ADAMTS12: variants seen among roughly 807,000 people sequenced by gnomAD.
ADAMTS12 encodes ADAM metallopeptidase with thrombospondin type 1 motif 12.
ADAMTS12 carries 118 observed loss-of-function variants against 167.8 expected under a neutral mutation model. That is an observed-to-expected ratio of 0.70 (90% CI 0.61 to 0.82). The LOEUF (loss-of-function observed/expected upper bound fraction) is 0.82, where lower values mean the gene tolerates loss of function less well. Among genes scored for constraint, ADAMTS12 ranks in the 40% least tolerant of loss-of-function variants. ADAMTS12 has a pLI of 0.00. For synonymous variants in ADAMTS12, 704 were observed against 716.9 expected (o/e 0.98, Z 0.29); for missense variants, 1,916 against 1,998.8 (o/e 0.96, Z 0.79).
At chr5:33,641,741 T>C (rs1740452032) in intron 11 of ADAMTS12, 69 bp downstream of exon 11, 1 of 1,450,520 alleles carries the variant, frequency 6.9e-7, no homozygotes, top group African/African-American at 1.4e-5. Flanking sequence ...GGTCATGCCA[T>C]TCAAGACTGC....
intron 3 of ADAMTS12, among the ~76,000 whole-genome samples, chr5:33,713,640 GA>G (rs916806434): frequency 2.0e-5 from 3 of 150,504 alleles, no homozygotes; most frequent in Non-Finnish European, 4.4e-5. Context: ...GAGATGACAA[GA>G]AAAAAAAATT....
intron 2 of ADAMTS12, among the ~76,000 whole-genome samples, chr5:33,823,050 C>G (rs1260136079): frequency 6.7e-6 from 1 of 148,764 alleles, no homozygotes; most frequent in East Asian, 2.0e-4. Flanking sequence ...ATGATCACAC[C>G]ACTTCACTCC....
chr5:33,680,338 G>A (rs62349657), intron 5 of ADAMTS12, among the ~76,000 whole-genome samples: 7 of 152,064 alleles, frequency 4.6e-5, no homozygotes, highest in Non-Finnish European at 7.4e-5. Flanking sequence ...ATTATTTCTC[G>A]GGAATGAAGA....
At chr5:33,847,687 T>TATAC (rs1177844224) in intron 2 of ADAMTS12, among the ~76,000 whole-genome samples, 1 of 151,994 alleles carries the variant, frequency 6.6e-6, no homozygotes, top group African/African-American at 2.4e-5. Context: ...CCAGAATGAT[T>TATAC]ATACCCAAAT....
Position 33,654,593 on chromosome 5 carries a change from G to T in ADAMTS12, c.1190+3591C>A, listed in dbSNP as rs147165000. On this transcript the variant is annotated intron_variant, in intron 7 of 23. Coordinates refer to ENST00000504830, the MANE Select transcript of ADAMTS12 (RefSeq NM_030955.4). ...TGACACCACAGGGGTGGGGCTAGGG[G>T]AGCCCTCATTACTGGCCTGTAGGGA... is the stretch of plus-strand genomic sequence containing the variant. Among the ~76,000 whole-genome samples, 1,418 of 152,248 alleles carry T rather than the reference G, an allele frequency of 9.3e-3. 14 individuals are homozygous for T. The highest frequency in any genetic ancestry group is 0.014 in the Non-Finnish European group (949 of 67,998).
intron 2 of ADAMTS12, among the ~76,000 whole-genome samples, chr5:33,826,431 T>C (rs1272492836): frequency 1.3e-5 from 2 of 152,122 alleles, no homozygotes; most frequent in Non-Finnish European, 2.9e-5. Flanking sequence ...GGTTTAAGTA[T>C]TGGTAATTCA....
intron 17 of ADAMTS12, among the ~76,000 whole-genome samples, chr5:33,594,782 A>G (rs1747831390): frequency 6.6e-6 from 1 of 152,186 alleles, no homozygotes; most frequent in Non-Finnish European, 1.5e-5. Flanking sequence ...CTCTGAGCTG[A>G]GAATACCCTG....
intron 7 of ADAMTS12, among the ~76,000 whole-genome samples, chr5:33,655,309 C>A (rs1741012665): frequency 6.6e-6 from 1 of 152,056 alleles, no homozygotes; most frequent in South Asian, 2.1e-4. Context: ...CTGAAAGTAT[C>A]AAGGAATTAT....
intron 2 of ADAMTS12, among the ~76,000 whole-genome samples, chr5:33,757,545 T>C (rs1745208605): frequency 6.6e-6 from 1 of 152,162 alleles, no homozygotes; most frequent in South Asian, 2.1e-4. Context: ...CCCTCTCAGA[T>C]GCTTTTTGAA....
chr5:33,862,508 C>T (rs893751776), intron 2 of ADAMTS12, among the ~76,000 whole-genome samples: 2 of 152,146 alleles, frequency 1.3e-5, no homozygotes, highest in Admixed American at 1.3e-4. Flanking sequence ...AGTCAAATCC[C>T]TGAATAGACC....
chr5:33,602,327 A>G (rs1046571657), intron 16 of ADAMTS12, among the ~76,000 whole-genome samples: 1 of 152,256 alleles, frequency 6.6e-6, no homozygotes, highest in Non-Finnish European at 1.5e-5. Context: ...CAGAAAGGTT[A>G]TCAGACCTCC....
chr5:33,836,866 G>T (rs546317861), intron 2 of ADAMTS12, among the ~76,000 whole-genome samples: 3 of 152,304 alleles, frequency 2.0e-5, no homozygotes, highest in Admixed American at 2.0e-4. Flanking sequence ...GGGAAGGTCA[G>T]AGGCTGCAGA....
At chr5:33,553,916 T>TG (rs1745374294) in intron 20 of ADAMTS12, among the ~76,000 whole-genome samples, 1 of 152,214 alleles carries the variant, frequency 6.6e-6, no homozygotes, top group Non-Finnish European at 1.5e-5. Context: ...TCAAAATTCA[T>TG]GGGTCTGCCT....
chr5:33,540,037 G>A lies in ADAMTS12; in HGVS notation c.4447-5045C>T, dbSNP rs555798394. Among the ~76,000 whole-genome samples, 19 of 152,376 alleles carry A rather than the reference G, an allele frequency of 1.2e-4. No homozygotes were observed. The South Asian group carries it at 3.1e-3, about 25-fold the overall frequency. On this transcript the variant is annotated intron_variant, in intron 22 of 23. Transcript: ENST00000504830. The stretch of plus-strand genomic sequence containing the variant: ...ACCCGGGAAGTGCAAGGGGTTGGGG[G>A]ATTGCCCTTTCCTATCCAAGGGAAG...
At chr5:33,850,650 T>A (rs1749189202) in intron 2 of ADAMTS12, among the ~76,000 whole-genome samples, 2 of 152,218 alleles carry the variant, frequency 1.3e-5, no homozygotes, top group African/African-American at 4.8e-5. Context: ...TGTAAATATC[T>A]ACTCTGGATG....
intron 14 of ADAMTS12, among the ~76,000 whole-genome samples, chr5:33,617,138 T>C (rs1739062423): frequency 6.6e-6 from 1 of 152,204 alleles, no homozygotes; most frequent in Non-Finnish European, 1.5e-5. Flanking sequence ...GATTGAATGA[T>C]GACGTCTGCG....
Position 33,630,803 on chromosome 5 carries a change from C to T in ADAMTS12, c.1999G>A (p.Val667Ile), listed in dbSNP as rs1739887417. The part of the protein sequence containing the change: ...PCFEGGNSRN[V>I]CINGICKMVG... ...ACCTTACATATGCCATTAATACAGA[C>T]ATTTCTGCTGTTGCCGCCTTCAAAG... Residue 667 changes from valine to isoleucine, a missense_variant, in exon 13 of 24, where the codon GTC becomes ATC. By Grantham distance (29) the Val-to-Ile change is conservative. Coordinates refer to ENST00000504830, the MANE Select transcript of ADAMTS12 (RefSeq NM_030955.4). 2.5e-6 allele frequency: 4 copies of T among 1,613,450 alleles called. No individual in the cohort carries two copies. In the African/African-American group the frequency reaches 4.0e-5, roughly 16 times the overall value.
At chr5:33,804,595 C>T (rs546433918) in intron 2 of ADAMTS12, among the ~76,000 whole-genome samples, 87 of 152,216 alleles carry the variant, frequency 5.7e-4, no homozygotes, top group Non-Finnish European at 9.0e-4. Flanking sequence ...GTACACAGCC[C>T]ATCACTTCCC....
intron 2 of ADAMTS12, among the ~76,000 whole-genome samples, chr5:33,753,289 GA>G (rs1389882229): frequency 6.6e-6 from 1 of 152,202 alleles, no homozygotes; most frequent in Admixed American, 6.5e-5. Flanking sequence ...TAGAAAACAT[GA>G]CATTTTTTTC....
Sources: allele counts gnomAD v4.1 joint callset (sites outside exome capture counted in the v4.1 genomes callset), GRCh38; gene constraint gnomAD v4.1.1; transcripts MANE v1.5; gene names NCBI Gene and HGNC (gene_info 2026-07-23, HGNC 2026-07-21).